ECT2L: variants seen among roughly 807,000 people sequenced by gnomAD.
The protein encoded by ECT2L is epithelial cell-transforming sequence 2 oncogene-like.
ECT2L carries 126 observed loss-of-function variants against 122.8 expected under a neutral mutation model. That is an observed-to-expected ratio of 1.03 (90% CI 0.89 to 1.19). The LOEUF (loss-of-function observed/expected upper bound fraction) is 1.19, where lower values mean the gene tolerates loss of function less well. ECT2L is among the 50% of genes most tolerant of loss of function. The probability of loss-of-function intolerance (pLI) is 0.00; values close to 1 mark genes in which losing one functional copy is unlikely to be tolerated. For synonymous variants in ECT2L, 385 were observed against 381.8 expected (o/e 1.01, Z -0.10); for missense variants, 1,012 against 1,064.1 (o/e 0.95, Z 0.68).
intron 13 of ECT2L, among the ~76,000 whole-genome samples, chr6:138,875,586 TA>T (rs909629904): frequency 6.6e-5 from 10 of 152,244 alleles, no homozygotes; most frequent in South Asian, 2.1e-4. Flanking sequence ...TGGAGGGCTT[TA>T]AAAAAATGTG....
intron 4 of ECT2L, among the ~76,000 whole-genome samples, chr6:138,815,002 G>A (rs1776021680): frequency 6.6e-6 from 1 of 152,244 alleles, no homozygotes; most frequent in African/African-American, 2.4e-5. Context: ...ACAAGTGACA[G>A]TGGTTGAAAC....
chr6:138,838,552 T>C, intron 5 of ECT2L, 38 bp downstream of exon 5: 2 of 1,583,784 alleles, frequency 1.3e-6, no homozygotes, highest in Middle Eastern at 1.7e-4. Context: ...AGGGCACAAG[T>C]ACAGCTGTAA....
At chr6:138,842,110 T>C (rs868549693) in intron 5 of ECT2L, among the ~76,000 whole-genome samples, 57 of 152,356 alleles carry the variant, frequency 3.7e-4, no homozygotes, top group African/African-American at 1.3e-3. Flanking sequence ...TGGAACAAGA[T>C]ACGCTTCTTA....
At chr6:138,874,261 G>A (rs139495176) in intron 13 of ECT2L, among the ~76,000 whole-genome samples, 131 of 152,100 alleles carry the variant, frequency 8.6e-4, no homozygotes, top group Admixed American at 2.1e-3. Flanking sequence ...ATGTCCCGCA[G>A]AGCCAAGGCA....
At position 138,876,412 on chromosome 6, in the gene ECT2L, C is replaced by G. The variant is rs916570129; in HGVS notation, c.1579-60C>G. The stretch of plus-strand genomic sequence containing the variant: ...CTGAGGGCCTCCTGCGGGCACAGTA[C>G]TGAGTTTTCAGAGATGTCAAGACCT... On this transcript the variant is annotated intron_variant, in intron 13 of 21. Transcript: ENST00000541398. 2.6e-5 allele frequency: 32 copies of G among 1,222,524 alleles called. No individual in the cohort carries two copies. In the African/African-American group the frequency reaches 4.5e-4, roughly 17 times the overall value. 75.7% of individuals were successfully genotyped at this position (1,222,524 alleles called of 1,614,324 possible). A position where few individuals can be genotyped will look rare whatever the true frequency, so the allele number is the denominator to read the frequency against.
chr6:138,843,654 CTT>C (rs765024749), intron 6 of ECT2L, among the ~76,000 whole-genome samples: 1 of 152,016 alleles, frequency 6.6e-6, no homozygotes. Flanking sequence ...TCTTTCCGCT[CTT>C]TTTAAAGCCT....
intron 1 of ECT2L, among the ~76,000 whole-genome samples, chr6:138,803,379 C>T (rs1775611084): frequency 1.3e-5 from 2 of 151,852 alleles, no homozygotes; most frequent in African/African-American, 2.4e-5. Flanking sequence ...TTAAGCCCAC[C>T]AGCAGAGACA....
At chr6:138,868,073 A>G in intron 12 of ECT2L, 30 bp from the exon 13 acceptor site, 1 of 1,457,270 alleles carries the variant, frequency 6.9e-7, no homozygotes. Flanking sequence ...ACATAAATCA[A>G]TTACAGGGCA....
Position 138,902,482 on chromosome 6 carries a change from C to G in ECT2L, c.2588-18C>G. 6.2e-7 allele frequency: 1 copy of G among 1,606,882 alleles called. No homozygotes were observed. Among genetic ancestry groups the G allele is most frequent in the Non-Finnish European group, 8.5e-7 (1 of 1,176,164 alleles). On this transcript the variant is annotated intron_variant, in intron 21 of 21. Coordinates refer to ENST00000541398, the MANE Select transcript of ECT2L (RefSeq NM_001077706.3). ...TTATCTGCAAAGATTAATTAGTATA[C>G]CTCAAATGCTTTTACAGATGTCAAG...
At chr6:138,832,691 C>T (rs1776687313) in intron 4 of ECT2L, among the ~76,000 whole-genome samples, 3 of 152,070 alleles carry the variant, frequency 2.0e-5, no homozygotes, top group Non-Finnish European at 2.9e-5. Flanking sequence ...AGACTGGGCC[C>T]AATTCTTCTG....
At chr6:138,880,860 A>T in intron 14 of ECT2L, 97 bp from the exon 15 acceptor site, 1 of 1,028,216 alleles carries the variant, frequency 9.7e-7, no homozygotes, top group Non-Finnish European at 1.4e-6. Context: ...CAACCTGAAC[A>T]GCACAAACCA....
rs76118270 is a variant in ECT2L at position 138,880,796 on chromosome 6, C to T, written c.1666-161C>T. On this transcript the variant is annotated intron_variant, in intron 14 of 21. Coordinates refer to ENST00000541398, the MANE Select transcript of ECT2L (RefSeq NM_001077706.3). ...CCATATGAGGGGCTCTTTGATGATACTAGGGACAAGTGATGGACAGCGGGG... is the reference window on the plus strand; with the variant it reads ...CCATATGAGGGGCTCTTTGATGATATTAGGGACAAGTGATGGACAGCGGGG... Among the ~76,000 whole-genome samples the T allele has an allele frequency of 8.1e-3, 1,231 of 152,312 alleles. 17 individuals are homozygous for T. The highest frequency in any genetic ancestry group is 0.028 in the African/African-American group (1,168 of 41,562).
chr6:138,809,650 A>G (rs745570867), intron 1 of ECT2L, among the ~76,000 whole-genome samples: 2 of 152,098 alleles, frequency 1.3e-5, no homozygotes, highest in East Asian at 3.8e-4. Flanking sequence ...GGTAGGATTT[A>G]TGCATCTATA....
At position 138,902,625 on chromosome 6, in the gene ECT2L, T is replaced by G. The variant is rs1367877297; in HGVS notation, c.2713T>G (p.Ter905GlyextTer4). Reference protein sequence around the residue: ...RNAIKSSMEK* With the variant: ...RNAIKSSMEKG ...TGCAATCAAAAGCAGTATGGAGAAGTGAGACCGAACTTGAAAACTTCAGGG... is the reference window on the plus strand; with the variant it reads ...TGCAATCAAAAGCAGTATGGAGAAGGGAGACCGAACTTGAAAACTTCAGGG... Residue 905 changes from the stop codon to glycine, a stop_lost, in exon 22 of 22, where the codon TGA (stop) becomes GGA (glycine). Transcript: ENST00000541398. The G allele has an allele frequency of 1.2e-6, 2 of 1,613,534 alleles. No homozygotes were observed. Among genetic ancestry groups the G allele is most frequent in the East Asian group, 4.5e-5 (2 of 44,790 alleles).
rs377222262 is a variant in ECT2L at position 138,833,105 on chromosome 6, G to A, written c.180-5247G>A. Among the ~76,000 whole-genome samples the A allele has an allele frequency of 3.2e-4, 48 of 152,144 alleles. 1 individual carries two copies. Among genetic ancestry groups the A allele is most frequent in the Middle Eastern group, 6.8e-3 (2 of 294 alleles). ...GAGAACTCACTATCACAAGAACAGC[G>A]TGGGGGAAACCACCTCCATGATCCA... On this transcript the variant is annotated intron_variant, in intron 4 of 21. Coordinates refer to ENST00000541398, the MANE Select transcript of ECT2L (RefSeq NM_001077706.3).
intron 20 of ECT2L, among the ~76,000 whole-genome samples, chr6:138,891,131 TA>T (rs1395340452): frequency 3.3e-5 from 5 of 152,110 alleles, no homozygotes; most frequent in Non-Finnish European, 5.9e-5. Context: ...TGACCAAAAT[TA>T]ACATTGAAAC....
chr6:138,799,841 G>C (rs1407115813), intron 1 of ECT2L, among the ~76,000 whole-genome samples: 1 of 152,168 alleles, frequency 6.6e-6, no homozygotes, highest in Non-Finnish European at 1.5e-5. Flanking sequence ...GTGAGCCACT[G>C]CATGCCGACT....
chr6:138,798,055 A>C (rs1272584202), intron 1 of ECT2L, among the ~76,000 whole-genome samples: 1 of 152,242 alleles, frequency 6.6e-6, no homozygotes, highest in East Asian at 1.9e-4. Context: ...CAAAGGACAG[A>C]TGAATAGCCA....
At chr6:138,869,602 G>T (rs1191277986) in intron 13 of ECT2L, among the ~76,000 whole-genome samples, 6 of 152,184 alleles carry the variant, frequency 3.9e-5, no homozygotes, top group Non-Finnish European at 2.9e-5. Flanking sequence ...ATTCACAGAG[G>T]TGCCCCCTCA....
Sources: allele counts gnomAD v4.1 joint callset (sites outside exome capture counted in the v4.1 genomes callset), GRCh38; gene constraint gnomAD v4.1.1; transcripts MANE v1.5; gene names NCBI Gene and HGNC (gene_info 2026-07-23, HGNC 2026-07-21).